The following RAB5A variants were observed in gnomAD, a reference collection of about 807,000 sequenced individuals.
RAB5A encodes the protein ras-related protein Rab-5A.
A neutral mutation model predicts 25.7 loss-of-function variants in RAB5A; 8 were observed. That is an observed-to-expected ratio of 0.31 (90% CI 0.18 to 0.56). The LOEUF is 0.56. Among genes scored for constraint, RAB5A ranks in the 20% least tolerant of loss-of-function variants. The probability of loss-of-function intolerance (pLI) is 0.91; values close to 1 mark genes in which losing one functional copy is unlikely to be tolerated. For synonymous variants in RAB5A, 98 were observed against 89.8 expected (o/e 1.09, Z -0.52); for missense variants, 192 against 259.7 (o/e 0.74, Z 1.79).
chr3:19,965,901 A>G (rs1255725288), intron 2 of RAB5A, among the ~76,000 whole-genome samples: 3 of 151,856 alleles, frequency 2.0e-5, no homozygotes, highest in Non-Finnish European at 2.9e-5. Context: ...CCTGTTTTGT[A>G]TTTTTGTTAG....
intron 5 of RAB5A, among the ~76,000 whole-genome samples, chr3:19,982,236 TC>T (rs1197357931): frequency 6.6e-6 from 1 of 152,148 alleles, no homozygotes; most frequent in Non-Finnish European, 1.5e-5. Context: ...AGACCTTGTC[TC>T]CAAAATGAAA....
intron 2 of RAB5A, among the ~76,000 whole-genome samples, chr3:19,955,646 C>A (rs1696489286): frequency 6.6e-6 from 1 of 152,132 alleles, no homozygotes; most frequent in Admixed American, 6.5e-5. Flanking sequence ...GTAATCCCAA[C>A]ACTTTGGGAG....
intron 2 of RAB5A, among the ~76,000 whole-genome samples, chr3:19,953,476 TG>T (rs1484431370): frequency 6.7e-6 from 1 of 149,346 alleles, no homozygotes; most frequent in East Asian, 2.0e-4. Flanking sequence ...GGTGTAGCCC[TG>T]GCTCACTGCA....
intron 2 of RAB5A, among the ~76,000 whole-genome samples, chr3:19,955,664 C>T (rs1208875739): frequency 2.6e-5 from 4 of 151,958 alleles, no homozygotes; most frequent in Non-Finnish European, 5.9e-5. Flanking sequence ...GAGGCTGAGG[C>T]GGGCGGATCA....
chr3:19,982,252 G>A (rs1204707895), intron 5 of RAB5A, among the ~76,000 whole-genome samples: 1 of 152,038 alleles, frequency 6.6e-6, no homozygotes, highest in East Asian at 1.9e-4. Context: ...ATGAAAAGAA[G>A]TATGGCTGCA....
In RAB5A at chr3:19,976,017, G is replaced by T. The variant is rs543259800; in HGVS notation, c.316-30G>T. 3.8e-6 allele frequency: 6 copies of T among 1,596,694 alleles called. No homozygotes were observed. The African/African-American group carries it at 5.4e-5, about 14-fold the overall frequency. The stretch of plus-strand genomic sequence containing the variant: ...TGCTTGGTAACCATTTTTTGAGCCT[G>T]TGCTCAATGGCTGTTTCTTTGTTTA... On this transcript the variant is annotated intron_variant, in intron 3 of 5. Coordinates refer to ENST00000273047, the MANE Select transcript of RAB5A (RefSeq NM_004162.5).
chr3:19,951,359 C>A (rs919535677), intron 2 of RAB5A: 1 of 247,586 alleles, frequency 4.0e-6, no homozygotes, highest in Non-Finnish European at 7.9e-6. Flanking sequence ...TTCTAGCTAA[C>A]AACTAGAAGC....
Position 19,983,846 on chromosome 3 carries a change from AAT to A in RAB5A, c.*25_*26del, listed in dbSNP as rs745776613. 8.9e-6 allele frequency: 13 copies of A among 1,452,662 alleles called. No homozygotes were observed. The highest frequency in any genetic ancestry group is 1.2e-5 in the Non-Finnish European group (12 of 1,039,840). 90.0% of individuals were successfully genotyped at this position (1,452,662 alleles called of 1,614,324 possible). On this transcript the variant is annotated 3_prime_UTR_variant, in exon 6 of 6. Coordinates refer to ENST00000273047, the MANE Select transcript of RAB5A (RefSeq NM_004162.5). ...TAAACCTCTAGTTTGAACTAGCTGGAATAGTCTTCTGCTTCCTAAATGTTAAT... is the reference window on the plus strand; with the variant it reads ...TAAACCTCTAGTTTGAACTAGCTGGAAGTCTTCTGCTTCCTAAATGTTAAT...
At chr3:19,968,539 A>G (rs1214441211) in intron 2 of RAB5A, among the ~76,000 whole-genome samples, 1 of 152,132 alleles carries the variant, frequency 6.6e-6, no homozygotes, top group African/African-American at 2.4e-5. Flanking sequence ...GCTCACTGCA[A>G]CCTCCGCCTC....
intron 5 of RAB5A, 165 bp downstream of exon 5, chr3:19,978,568 C>T (rs1304278671): frequency 1.8e-6 from 1 of 546,452 alleles, no homozygotes; most frequent in African/African-American, 1.9e-5. Flanking sequence ...TTCTAAGTCC[C>T]TTCCACAAAA....
At chr3:19,968,843 C>A (rs974827009) in intron 2 of RAB5A, among the ~76,000 whole-genome samples, 1 of 152,110 alleles carries the variant, frequency 6.6e-6, no homozygotes, top group Admixed American at 6.6e-5. Context: ...ATTCTTTGAG[C>A]ATAAAAGTTT....
At chr3:19,952,818 A>T (rs1352288129) in intron 2 of RAB5A, among the ~76,000 whole-genome samples, 1 of 151,906 alleles carries the variant, frequency 6.6e-6, no homozygotes, top group African/African-American at 2.4e-5. Flanking sequence ...TTAATACATT[A>T]TATCCAGTTT....
At chr3:19,975,413 C>G (rs183956916) in intron 2 of RAB5A, 188 bp from the exon 3 acceptor site, 41 of 499,828 alleles carry the variant, frequency 8.2e-5, no homozygotes, top group African/African-American at 7.5e-4. Flanking sequence ...GGTATGCAAT[C>G]TGTCAAGTTT....
intron 2 of RAB5A, among the ~76,000 whole-genome samples, chr3:19,967,991 C>G (rs561207749): frequency 1.1e-4 from 16 of 152,258 alleles, no homozygotes; most frequent in African/African-American, 3.6e-4. Flanking sequence ...GCTTATCTGT[C>G]TGAGAAAATC....
At chr3:19,977,471 G>C (rs1054101654) in intron 4 of RAB5A, among the ~76,000 whole-genome samples, 1 of 152,180 alleles carries the variant, frequency 6.6e-6, no homozygotes, top group African/African-American at 2.4e-5. Context: ...TGATGAAATA[G>C]TTTTCTTTTT....
chr3:19,976,240 A>G (rs1325019271), intron 4 of RAB5A, 71 bp downstream of exon 4: 38 of 1,492,406 alleles, frequency 2.5e-5, no homozygotes, highest in Middle Eastern at 1.8e-4. Context: ...TCAACACTTG[A>G]ATTAGTTATA....
intron 2 of RAB5A, among the ~76,000 whole-genome samples, chr3:19,963,364 A>AAC (rs1696615859): frequency 1.1e-4 from 7 of 60,958 alleles, no homozygotes; most frequent in Non-Finnish European, 1.7e-4. Context: ...TTAGAATTTC[A>AAC]CCCCCCCCCC....
chr3:19,951,822 C>T (rs1696429245), intron 2 of RAB5A, among the ~76,000 whole-genome samples: 1 of 151,128 alleles, frequency 6.6e-6, no homozygotes, highest in African/African-American at 2.4e-5. Context: ...CAGGTGCTCC[C>T]TGCTGAGATG....
intron 2 of RAB5A, among the ~76,000 whole-genome samples, chr3:19,975,228 AAAAG>A (rs1001825359): frequency 7.4e-5 from 11 of 147,920 alleles, no homozygotes; most frequent in South Asian, 2.1e-4. Context: ...AAAAAAAAAA[AAAAG>A]AAGAAGGAAA....
Sources: allele counts gnomAD v4.1 joint callset (sites outside exome capture counted in the v4.1 genomes callset), GRCh38; gene constraint gnomAD v4.1.1; transcripts MANE v1.5; gene names NCBI Gene and HGNC (gene_info 2026-07-23, HGNC 2026-07-21).